RANBP17: variants seen among roughly 807,000 people sequenced by gnomAD.
The protein encoded by RANBP17 is ran-binding protein 17.
RANBP17 carries 158 observed loss-of-function variants against 141.2 expected under a neutral mutation model. The ratio of observed to expected loss-of-function variants is 1.12; its 90% CI spans 0.98 to 1.28. The LOEUF is 1.28. Among genes scored for constraint, RANBP17 ranks in the 50% most tolerant of loss-of-function variants. The probability of loss-of-function intolerance (pLI) is 0.00; values close to 1 mark genes in which losing one functional copy is unlikely to be tolerated. For missense variants in RANBP17, 1,438 were observed against 1,290.7 expected (o/e 1.11, Z -1.75); for synonymous variants, 430 against 450.0 (o/e 0.96, Z 0.56).
intron 13 of RANBP17, among the ~76,000 whole-genome samples, chr5:170,960,285 A>G (rs776482425): frequency 3.3e-5 from 5 of 152,198 alleles, no homozygotes; most frequent in Non-Finnish European, 5.9e-5. Flanking sequence ...AACCTCAACT[A>G]GGCCCTCAGC....
At position 170,919,451 on chromosome 5, in the gene RANBP17, T is replaced by TC; in HGVS notation, c.1112_1113insC (p.Ala372CysfsTer3). 2 of 1,572,140 alleles carry TC rather than the reference T, an allele frequency of 1.3e-6. No individual in the cohort carries two copies. Among genetic ancestry groups the TC allele is most frequent in the Non-Finnish European group, 1.7e-6 (2 of 1,163,954 alleles). Reference sequence around the variant, plus strand: ...TTTATTTCTTTGTAGCACTGGGAATTTGCTCCTAACAGTGTTCATTATTTA... The same window carrying TC: ...TTTATTTCTTTGTAGCACTGGGAATTCTGCTCCTAACAGTGTTCATTATTTA... On this transcript the variant is annotated frameshift_variant, in exon 11 of 28. Coordinates refer to ENST00000523189, the MANE Select transcript of RANBP17 (RefSeq NM_022897.5). LOFTEE classifies it high-confidence loss of function.
intron 18 of RANBP17, among the ~76,000 whole-genome samples, chr5:171,186,599 C>T (rs370480272): frequency 9.1e-6 from 1 of 109,776 alleles, no homozygotes; most frequent in Non-Finnish European, 1.7e-5. Context: ...TGCAGTGGTG[C>T]GATCTCGGCT....
At chr5:171,185,888 C>G (rs1761202444) in intron 18 of RANBP17, among the ~76,000 whole-genome samples, 1 of 152,202 alleles carries the variant, frequency 6.6e-6, no homozygotes. Flanking sequence ...TCAGATTCAT[C>G]AGAGGAATCA....
At position 170,967,288 on chromosome 5, in the gene RANBP17, C is replaced by G. The variant is rs976036217; in HGVS notation, c.1575-954C>G. 2.6e-5 allele frequency among the ~76,000 whole-genome samples: 4 copies of G among 152,030 alleles called. No homozygotes were observed. In the South Asian group the frequency reaches 8.3e-4, roughly 31 times the overall value. On this transcript the variant is annotated intron_variant, in intron 13 of 27. Transcript: ENST00000523189. ...AAACATTCTCTGGAAGACATATAAA[C>G]TATTAATAATGTGTGTATATATGTT...
chr5:171,137,511 A>G (rs1303158751), intron 14 of RANBP17, among the ~76,000 whole-genome samples: 1 of 151,844 alleles, frequency 6.6e-6, no homozygotes, highest in African/African-American at 2.4e-5. Context: ...TGGTCCCTGT[A>G]TGAAGCCATA....
intron 14 of RANBP17, among the ~76,000 whole-genome samples, chr5:171,072,205 G>A (rs1784673056): frequency 6.6e-6 from 1 of 152,016 alleles, no homozygotes. Context: ...AGAGAAATAT[G>A]AGCCAAGGGG....
chr5:171,063,378 A>G (rs532912373), intron 14 of RANBP17, among the ~76,000 whole-genome samples: 75 of 152,338 alleles, frequency 4.9e-4, no homozygotes, highest in South Asian at 8.3e-4. Context: ...TCCTTCTAAC[A>G]GACAGGACCC....
chr5:171,252,457 T>C (rs112989338), intron 24 of RANBP17: 1 of 1,489,760 alleles, frequency 6.7e-7, no homozygotes, highest in South Asian at 1.1e-5. Flanking sequence ...TACTCACTGC[T>C]TAAGGGCTTT....
At chr5:170,863,431 A>C (rs1340689419) in intron 1 of RANBP17, 1 of 90,728 alleles carries the variant, frequency 1.1e-5, no homozygotes, top group African/African-American at 3.1e-5. Flanking sequence ...ATTCTTCTAA[A>C]GGGTCTTTTT....
chr5:171,206,688 A>G (rs931991805), intron 20 of RANBP17: 1 of 178,860 alleles, frequency 5.6e-6, no homozygotes, highest in Non-Finnish European at 1.2e-5. Context: ...TGCCACAGTT[A>G]TGGCCAAAAA....
chr5:171,052,730 A>G (rs1237961100), intron 14 of RANBP17, among the ~76,000 whole-genome samples: 1 of 152,212 alleles, frequency 6.6e-6, no homozygotes, highest in Non-Finnish European at 1.5e-5. Flanking sequence ...GAATTTGAAC[A>G]TCAGATTTTC....
chr5:170,928,128 C>G (rs574229880), intron 12 of RANBP17, among the ~76,000 whole-genome samples: 17 of 152,128 alleles, frequency 1.1e-4, no homozygotes, highest in African/African-American at 3.1e-4. Flanking sequence ...AGCATCTTTT[C>G]TATTCTTTTT....
intron 14 of RANBP17, among the ~76,000 whole-genome samples, chr5:171,099,807 C>T (rs1581633736): frequency 6.6e-6 from 1 of 152,080 alleles, no homozygotes; most frequent in East Asian, 1.9e-4. Flanking sequence ...GTGTTTTTAG[C>T]ATGAAGGGGT....
chr5:171,249,028 G>T (rs1441770954), intron 24 of RANBP17, among the ~76,000 whole-genome samples: 1 of 152,158 alleles, frequency 6.6e-6, no homozygotes, highest in East Asian at 1.9e-4. Context: ...ACAAAGACAG[G>T]CACGTTCATC....
At chr5:171,119,874 T>C (rs1484318610) in intron 14 of RANBP17, among the ~76,000 whole-genome samples, 1 of 151,926 alleles carries the variant, frequency 6.6e-6, no homozygotes, top group Admixed American at 6.6e-5. Context: ...ACCCCGTCTC[T>C]ACTAAAAATA....
At chr5:171,102,620 C>G (rs1170267370) in intron 14 of RANBP17, among the ~76,000 whole-genome samples, 12 of 151,962 alleles carry the variant, frequency 7.9e-5, no homozygotes, top group African/African-American at 2.7e-4. Flanking sequence ...AATTCTCTGT[C>G]CAATTTAGTT....
chr5:171,201,914 C>T (rs1762319085), intron 19 of RANBP17, among the ~76,000 whole-genome samples: 1 of 152,130 alleles, frequency 6.6e-6, no homozygotes, highest in Non-Finnish European at 1.5e-5. Flanking sequence ...CTGTTTTGTT[C>T]TTCAATAAAG....
chr5:170,967,575 A>C (rs1362920255), intron 13 of RANBP17, among the ~76,000 whole-genome samples: 3 of 151,170 alleles, frequency 2.0e-5, no homozygotes, highest in Non-Finnish European at 4.4e-5. Context: ...TCTGTAGGAA[A>C]TTTAACATAA....
intron 22 of RANBP17, among the ~76,000 whole-genome samples, chr5:171,233,465 G>A (rs1234488570): frequency 7.0e-6 from 1 of 143,880 alleles, no homozygotes; most frequent in Non-Finnish European, 1.5e-5. Flanking sequence ...ACTTATAGCA[G>A]CTTTATTCTC....
Sources: gnomAD v4.1 joint callset for allele counts (sites outside exome capture counted in the v4.1 genomes callset) on GRCh38, gnomAD v4.1.1 for gene constraint, MANE v1.5 for transcripts, NCBI Gene and HGNC (gene_info 2026-07-23, HGNC 2026-07-21) for gene names.